The following CDK14 variants were observed in gnomAD, a reference collection of about 807,000 sequenced individuals.
CDK14 encodes cyclin dependent kinase 14, also known as cyclin-dependent kinase 14.
Under a neutral mutation model 60.7 loss-of-function variants are expected in CDK14, and 34 were observed. The ratio of observed to expected loss-of-function variants is 0.56; its 90% CI spans 0.43 to 0.75. The LOEUF (loss-of-function observed/expected upper bound fraction) is 0.75. CDK14 is among the 30% of genes least tolerant of loss of function. The pLI is 0.00. For synonymous variants in CDK14, 197 were observed against 203.7 expected (o/e 0.97, Z 0.28); for missense variants, 482 against 564.1 (o/e 0.85, Z 1.47).
intron 6 of CDK14, among the ~76,000 whole-genome samples, chr7:90,894,957 T>C (rs535352446): frequency 1.3e-5 from 2 of 152,310 alleles, no homozygotes; most frequent in African/African-American, 2.4e-5. Context: ...TTTTAGAATA[T>C]ATACATCTGT....
intron 2 of CDK14, among the ~76,000 whole-genome samples, chr7:90,675,220 A>G (rs955912098): frequency 4.0e-5 from 6 of 151,836 alleles, no homozygotes; most frequent in African/African-American, 9.7e-5. Flanking sequence ...TTCTTCCTCC[A>G]GGCATTATTT....
chr7:90,597,886 A>G (rs954072437), intron 1 of CDK14, among the ~76,000 whole-genome samples: 1 of 150,988 alleles, frequency 6.6e-6, no homozygotes, highest in African/African-American at 2.4e-5. Context: ...GGTATGCAAA[A>G]TCTTTCCCCA....
chr7:90,773,925 A>C (rs1306158952), intron 4 of CDK14, among the ~76,000 whole-genome samples: 61 of 86,514 alleles, frequency 7.1e-4, no homozygotes, highest in African/African-American at 2.7e-3. Flanking sequence ...TTTTTTTGAG[A>C]TGGAGTCTTG....
At chr7:90,638,055 A>G (rs1252022419) in intron 2 of CDK14, among the ~76,000 whole-genome samples, 2 of 150,140 alleles carry the variant, frequency 1.3e-5, no homozygotes, top group South Asian at 4.3e-4. Context: ...CCTGAATACA[A>G]CACACTGATG....
At chr7:90,598,629 ATCT>A (rs936541143) in intron 1 of CDK14, among the ~76,000 whole-genome samples, 1 of 151,180 alleles carries the variant, frequency 6.6e-6, no homozygotes, top group Non-Finnish European at 1.5e-5. Context: ...CAAAATCTGT[ATCT>A]TCTTATTTTC....
intron 14 of CDK14, among the ~76,000 whole-genome samples, chr7:91,174,065 G>C (rs1801632390): frequency 6.6e-6 from 1 of 152,148 alleles, no homozygotes; most frequent in South Asian, 2.1e-4. Flanking sequence ...CTGTATGACA[G>C]CTTTGAAGAG....
intron 6 of CDK14, among the ~76,000 whole-genome samples, chr7:90,870,459 A>G (rs907467394): frequency 1.3e-5 from 2 of 152,218 alleles, no homozygotes; most frequent in African/African-American, 4.8e-5. Context: ...GCTTACCTGT[A>G]TAACAAACTT....
chr7:91,195,890 C>A (rs1802521403), intron 14 of CDK14, among the ~76,000 whole-genome samples: 5 of 152,198 alleles, frequency 3.3e-5, no homozygotes, highest in Admixed American at 3.3e-4. Context: ...CCTCACCTAC[C>A]TTTCAGCTTT....
intron 2 of CDK14, among the ~76,000 whole-genome samples, chr7:90,640,837 C>G (rs1215730882): frequency 6.6e-6 from 1 of 151,970 alleles, no homozygotes; most frequent in Admixed American, 6.6e-5. Flanking sequence ...AAAAATTTTA[C>G]AAATCACATA....
At chr7:91,091,451 A>G (rs1205309072) in intron 12 of CDK14, among the ~76,000 whole-genome samples, 4 of 140,586 alleles carry the variant, frequency 2.8e-5, no homozygotes, top group Non-Finnish European at 6.1e-5. Context: ...ACATATGTAT[A>G]TAATTTATAT....
chr7:90,622,227 G>A (rs559226797), intron 2 of CDK14, among the ~76,000 whole-genome samples: 19 of 152,142 alleles, frequency 1.2e-4, no homozygotes, highest in Middle Eastern at 3.4e-3. Context: ...AAAAAGTACC[G>A]GTCAGATGTT....
At chr7:91,145,328 T>C (rs955610331) in intron 14 of CDK14, among the ~76,000 whole-genome samples, 1 of 152,254 alleles carries the variant, frequency 6.6e-6, no homozygotes, top group African/African-American at 2.4e-5. Flanking sequence ...CAGCCAGGGC[T>C]GCATGCCAAC....
At chr7:90,733,856 G>A (rs541511815) in intron 3 of CDK14, among the ~76,000 whole-genome samples, 1 of 152,290 alleles carries the variant, frequency 6.6e-6, no homozygotes, top group East Asian at 1.9e-4. Context: ...TTATTATGAT[G>A]CTAGCTGGTT....
chr7:91,044,989 A>G (rs1472349308), intron 10 of CDK14, among the ~76,000 whole-genome samples: 2 of 152,186 alleles, frequency 1.3e-5, no homozygotes, highest in African/African-American at 4.8e-5. Context: ...AACACCCTCC[A>G]GTTTACAGAT....
At chr7:90,825,566 G>T (rs1214310292) in intron 5 of CDK14, among the ~76,000 whole-genome samples, 1 of 152,160 alleles carries the variant, frequency 6.6e-6, no homozygotes, top group Non-Finnish European at 1.5e-5. Flanking sequence ...TGTGGTATAA[G>T]TAATGAAATT....
intron 3 of CDK14, among the ~76,000 whole-genome samples, chr7:90,741,327 A>T (rs1803334157): frequency 6.6e-6 from 1 of 152,200 alleles, no homozygotes; most frequent in Non-Finnish European, 1.5e-5. Flanking sequence ...TAGTTGCCTG[A>T]TAATACCTCC....
intron 14 of CDK14, among the ~76,000 whole-genome samples, chr7:91,188,193 A>T (rs73708283): frequency 0.025 from 3,748 of 151,020 alleles, 130 homozygotes; most frequent in African/African-American, 0.082. Context: ...TTTTTTTTTA[A>T]AAAAAAAGAA....
intron 3 of CDK14, among the ~76,000 whole-genome samples, chr7:90,732,277 TC>T (rs1402246139): frequency 1.3e-5 from 2 of 152,040 alleles, no homozygotes; most frequent in African/African-American, 4.8e-5. Context: ...TCCATGTTCA[TC>T]AGGGATATTG....
intron 5 of CDK14, among the ~76,000 whole-genome samples, chr7:90,812,638 A>G (rs950024276): frequency 6.6e-6 from 1 of 152,178 alleles, no homozygotes; most frequent in African/African-American, 2.4e-5. Context: ...AAAGAAATAT[A>G]TGAATGGCTA....
Sources: gnomAD v4.1 joint callset for allele counts (sites outside exome capture counted in the v4.1 genomes callset) on GRCh38, gnomAD v4.1.1 for gene constraint, MANE v1.5 for transcripts, NCBI Gene and HGNC (gene_info 2026-07-23, HGNC 2026-07-21) for gene names.